The following PLCE1 variants were observed in gnomAD, a reference collection of about 807,000 sequenced individuals.
The protein encoded by PLCE1 is 1-phosphatidylinositol 4,5-bisphosphate phosphodiesterase epsilon-1.
In PLCE1, 119 loss-of-function variants were observed where a neutral mutation model predicts 242.8. That is an observed-to-expected ratio of 0.49 (90% CI 0.42 to 0.57). The LOEUF (loss-of-function observed/expected upper bound fraction) is 0.57, where lower values mean the gene tolerates loss of function less well. Ranked by LOEUF, PLCE1 falls within the 20% of genes least tolerant of loss-of-function variation. The pLI is 0.00. For synonymous variants in PLCE1, 945 were observed against 1,017.4 expected, an observed-to-expected ratio of 0.93 and a Z score of 1.35; for missense variants, 2,441 against 2,788.8, an observed-to-expected ratio of 0.88 and a Z score of 2.81.
chr10:94,146,487 G>A (rs779788440), intron 3 of PLCE1, among the ~76,000 whole-genome samples: 5 of 152,140 alleles, frequency 3.3e-5, no homozygotes, highest in Admixed American at 6.5e-5. Flanking sequence ...CAGTGCAGTC[G>A]GCACAGCCAG....
chr10:94,085,483 G>C (rs931047203), intron 2 of PLCE1, among the ~76,000 whole-genome samples: 4 of 152,174 alleles, frequency 2.6e-5, no homozygotes, highest in Non-Finnish European at 5.9e-5. Context: ...AATGTGTTTG[G>C]GGGTAGAGCT....
chr10:94,215,754 G>T (rs2049500865), intron 4 of PLCE1, among the ~76,000 whole-genome samples: 1 of 152,108 alleles, frequency 6.6e-6, no homozygotes, highest in African/African-American at 2.4e-5. Flanking sequence ...CATAAGAAGA[G>T]ATTCGAGAAG....
At chr10:94,109,425 T>C (rs1238368718) in intron 2 of PLCE1, among the ~76,000 whole-genome samples, 2 of 152,092 alleles carry the variant, frequency 1.3e-5, no homozygotes, top group Non-Finnish European at 2.9e-5. Flanking sequence ...CTGGCCAACA[T>C]AGTGAAACTT....
intron 1 of PLCE1, among the ~76,000 whole-genome samples, chr10:94,002,968 G>A (rs960716000): frequency 6.6e-6 from 1 of 152,188 alleles, no homozygotes; most frequent in East Asian, 1.9e-4. Context: ...ATGACCACTC[G>A]AGGAATACCA....
chr10:94,244,791 C>T (rs1288009560), intron 7 of PLCE1, among the ~76,000 whole-genome samples: 1 of 152,116 alleles, frequency 6.6e-6, no homozygotes, highest in African/African-American at 2.4e-5. Flanking sequence ...CAGACTCTAC[C>T]TCCCAGGCTC....
chr10:94,206,588 G>A (rs2049164013), intron 4 of PLCE1, among the ~76,000 whole-genome samples: 3 of 152,154 alleles, frequency 2.0e-5, no homozygotes, highest in Admixed American at 2.0e-4. Flanking sequence ...GGTGGTTTGG[G>A]CCATACATCA....
At chr10:94,162,448 G>A (rs182373457) in intron 3 of PLCE1, among the ~76,000 whole-genome samples, 323 of 152,304 alleles carry the variant, frequency 2.1e-3, no homozygotes, top group Middle Eastern at 3.4e-3. Flanking sequence ...TTGCATAGAG[G>A]TGTTTATAGT....
chr10:94,020,810 G>C (rs2061363042), intron 1 of PLCE1, among the ~76,000 whole-genome samples: 1 of 151,954 alleles, frequency 6.6e-6, no homozygotes. Flanking sequence ...TTATTGAGCA[G>C]TAATAGTTTT....
intron 29 of PLCE1, among the ~76,000 whole-genome samples, chr10:94,321,159 A>G (rs1411485917): frequency 6.6e-6 from 1 of 152,150 alleles, no homozygotes; most frequent in African/African-American, 2.4e-5. Context: ...TGTTCACCCA[A>G]CCTGTCAATT....
intron 4 of PLCE1, among the ~76,000 whole-genome samples, chr10:94,201,580 A>G (rs2048987461): frequency 1.3e-5 from 2 of 152,274 alleles, no homozygotes; most frequent in South Asian, 4.1e-4. Flanking sequence ...GGTTCACGCC[A>G]TTCTCCCGCC....
At chr10:94,067,198 T>A (rs957495038) in intron 2 of PLCE1, among the ~76,000 whole-genome samples, 1 of 152,196 alleles carries the variant, frequency 6.6e-6, no homozygotes, top group Non-Finnish European at 1.5e-5. Context: ...CCTAACATAC[T>A]GGTTAGTGAC....
chr10:94,203,441 T>A (rs2049044882), intron 4 of PLCE1, among the ~76,000 whole-genome samples: 1 of 152,266 alleles, frequency 6.6e-6, no homozygotes, highest in Non-Finnish European at 1.5e-5. Context: ...TCGTTTAAAA[T>A]CTGGTTGATC....
chr10:94,070,557 A>G (rs2044321962), intron 2 of PLCE1, among the ~76,000 whole-genome samples: 1 of 151,968 alleles, frequency 6.6e-6, no homozygotes, highest in Admixed American at 6.6e-5. Context: ...TCTTTCCTTT[A>G]TTACTTTCTC....
chr10:94,276,548 C>T (rs577783176), intron 19 of PLCE1, among the ~76,000 whole-genome samples: 46 of 152,206 alleles, frequency 3.0e-4, no homozygotes, highest in African/African-American at 8.2e-4. Context: ...ATGGTGTCTG[C>T]GTAAAAAATA....
intron 5 of PLCE1, among the ~76,000 whole-genome samples, chr10:94,230,172 A>T (rs944950890): frequency 6.6e-6 from 1 of 152,196 alleles, no homozygotes; most frequent in Non-Finnish European, 1.5e-5. Flanking sequence ...CACTAGTAAG[A>T]AGTACAAATA....
intron 1 of PLCE1, among the ~76,000 whole-genome samples, chr10:94,000,110 C>G (rs1433733573): frequency 6.6e-6 from 1 of 152,188 alleles, no homozygotes; most frequent in African/African-American, 2.4e-5. Flanking sequence ...TTTTACCGAG[C>G]AGTCCTGCTC....
At chr10:94,247,875 A>G (rs944192296) in intron 8 of PLCE1, among the ~76,000 whole-genome samples, 2 of 152,238 alleles carry the variant, frequency 1.3e-5, no homozygotes, top group African/African-American at 4.8e-5. Flanking sequence ...AAGAGGATAC[A>G]GATTGCTTGG....
intron 4 of PLCE1, among the ~76,000 whole-genome samples, chr10:94,195,784 T>C (rs2048802217): frequency 6.6e-6 from 1 of 152,244 alleles, no homozygotes; most frequent in Non-Finnish European, 1.5e-5. Context: ...ATTTCTTTGA[T>C]ATCTGTACTA....
intron 1 of PLCE1, among the ~76,000 whole-genome samples, chr10:93,996,440 G>A (rs1025337215): frequency 1.3e-5 from 2 of 152,186 alleles, no homozygotes; most frequent in Admixed American, 1.3e-4. Context: ...TTCTGGAAGA[G>A]GGGTGGAAGG....
Sources: allele counts gnomAD v4.1 joint callset (sites outside exome capture counted in the v4.1 genomes callset), GRCh38; gene constraint gnomAD v4.1.1; transcripts MANE v1.5; gene names NCBI Gene and HGNC (gene_info 2026-07-23, HGNC 2026-07-21).